The following CKAP5 variants were observed in gnomAD, a reference collection of about 807,000 sequenced individuals.
CKAP5 encodes cytoskeleton associated protein 5, also known as cytoskeleton-associated protein 5.
A neutral mutation model predicts 232.8 loss-of-function variants in CKAP5; 27 were observed. That is an observed-to-expected ratio of 0.12 (90% CI 0.09 to 0.16). The LOEUF is 0.16. Ranked by LOEUF, CKAP5 falls within the 10% of genes least tolerant of loss-of-function variation. CKAP5 has a pLI of 1.00. For missense variants in CKAP5, 1,838 were observed against 2,424.7 expected, an observed-to-expected ratio of 0.76 and a Z score of 5.08; for synonymous variants, 785 against 841.1, an observed-to-expected ratio of 0.93 and a Z score of 1.16.
At chr11:46,752,584 C>A (rs2065077919) in intron 38 of CKAP5, 51 bp downstream of exon 38, 2 of 1,428,354 alleles carry the variant, frequency 1.4e-6, no homozygotes, top group African/African-American at 1.4e-5. Flanking sequence ...ATACTTTTAA[C>A]AAAGTGATTG....
intron 1 of CKAP5, among the ~76,000 whole-genome samples, chr11:46,834,773 A>T (rs1163706901): frequency 6.6e-6 from 1 of 152,160 alleles, no homozygotes; most frequent in Non-Finnish European, 1.5e-5. Context: ...GCAGCCCTCT[A>T]AAGCATAAAA....
chr11:46,777,578 T>G, intron 22 of CKAP5, 26 bp from the exon 23 acceptor site: 4 of 1,470,990 alleles, frequency 2.7e-6, no homozygotes, highest in Non-Finnish European at 3.8e-6. Flanking sequence ...CAATACTTTA[T>G]GTTGAAACGA....
chr11:46,776,065 G>A (rs891929371), intron 24 of CKAP5, among the ~76,000 whole-genome samples, 190 bp downstream of exon 24: 1 of 152,106 alleles, frequency 6.6e-6, no homozygotes, highest in African/African-American at 2.4e-5. Flanking sequence ...AAGCGTTATT[G>A]ATAAAGAAGC....
chr11:46,800,453 T>C (rs2134655479), intron 9 of CKAP5, among the ~76,000 whole-genome samples: 1 of 152,336 alleles, frequency 6.6e-6, no homozygotes, highest in African/African-American at 2.4e-5. Context: ...GGGAATCAAA[T>C]GATGAAGGGG....
chr11:46,800,886 G>T (rs563823073), intron 9 of CKAP5, among the ~76,000 whole-genome samples: 1 of 152,078 alleles, frequency 6.6e-6, no homozygotes, highest in Non-Finnish European at 1.5e-5. Context: ...ATCTTGTTAT[G>T]ATGTGTATAA....
intron 1 of CKAP5, among the ~76,000 whole-genome samples, chr11:46,824,300 G>C (rs150123850): frequency 1.2e-3 from 179 of 152,340 alleles, no homozygotes; most frequent in African/African-American, 3.7e-3. Context: ...GTAATTTAAA[G>C]GAGTCAGGAG....
intron 1 of CKAP5, among the ~76,000 whole-genome samples, chr11:46,832,258 A>C (rs1415447053): frequency 6.6e-5 from 10 of 152,232 alleles, no homozygotes; most frequent in Non-Finnish European, 1.5e-5. Flanking sequence ...AAGTGAAAAA[A>C]ATCACTCAGT....
intron 8 of CKAP5, among the ~76,000 whole-genome samples, chr11:46,805,819 C>T (rs1369397108): frequency 1.3e-5 from 2 of 152,306 alleles, no homozygotes; most frequent in East Asian, 3.9e-4. Context: ...GCCTATAAAT[C>T]CCAGCTATTT....
rs1565750458 is a variant in CKAP5 at position 46,816,356 on chromosome 11, T to G, written c.300A>C (p.Gln100His). The G allele has an allele frequency of 1.9e-6, 3 of 1,614,114 alleles. No homozygotes were observed. In the African/African-American group the frequency reaches 4.0e-5, roughly 22 times the overall value. Residue 100 changes from glutamine (Q) to histidine (H), a missense_variant, in exon 4 of 44, where the codon CAA becomes CAC. Gln to His is a conservative substitution (Grantham distance 24, BLOSUM62 0). Transcript: ENST00000529230. ...CCAGCTCCTTGGCTTTAGCTTTAGG[T>G]TGATTGAACACCTTACTTACAACAC... ...VSGVVSKVFN[Q>H]PKAKAKELGI...
At chr11:46,803,033 G>A (rs1939070741) in intron 8 of CKAP5, among the ~76,000 whole-genome samples, 1 of 152,092 alleles carries the variant, frequency 6.6e-6, no homozygotes, top group Admixed American at 6.5e-5. Context: ...AGAGGTTGAG[G>A]TGGGAGGATC....
At chr11:46,753,594 AT>A (rs142881611) in intron 36 of CKAP5, 97 bp from the exon 37 acceptor site, 5,267 of 882,350 alleles carry the variant, frequency 6.0e-3, no homozygotes, top group South Asian at 8.3e-3. Context: ...ATTATGTTGT[AT>A]TTTTTTTTTG....
rs574361916 is a variant in CKAP5 at position 46,780,210 on chromosome 11, T to C, written c.2417A>G (p.Asp806Gly). The C allele has an allele frequency of 2.0e-5, 33 of 1,614,078 alleles. 1 individual carries two copies. In the South Asian group the frequency reaches 3.6e-4, roughly 18 times the overall value. ...DEKPALLSQI[D>G]AEFEKMQGQS... is the part of the protein sequence containing the mutation. ...AAATTCTACCTTCTCAAATTCTGCA[T>C]CTATCTGGGATAGGAGGGCAGGCTT... The change falls in exon 20 of 44, where the codon GAT (aspartate) becomes GGT (glycine). Residue 806 changes from aspartate to glycine, a missense_variant. By Grantham distance (94) the Asp-to-Gly change is moderately conservative (BLOSUM62 -1). This residue lies in a region of CKAP5 where 767 missense variants were observed against 954.6 expected (regional missense o/e 0.80). Coordinates refer to ENST00000529230, the MANE Select transcript of CKAP5 (RefSeq NM_001008938.4).
chr11:46,746,171 T>C (rs1303381416), intron 42 of CKAP5, among the ~76,000 whole-genome samples: 1 of 152,136 alleles, frequency 6.6e-6, no homozygotes, highest in Non-Finnish European at 1.5e-5. Flanking sequence ...TAGGTGAATG[T>C]CACTAAACTC....
chr11:46,811,272 A>G (rs1354505288), intron 4 of CKAP5, 94 bp from the exon 5 acceptor site: 4 of 978,922 alleles, frequency 4.1e-6, no homozygotes, highest in Non-Finnish European at 5.9e-6. Flanking sequence ...CCATATCTAC[A>G]TATTAGAAGA....
intron 27 of CKAP5, among the ~76,000 whole-genome samples, chr11:46,767,052 C>T (rs1398173857): frequency 6.7e-6 from 1 of 150,138 alleles, no homozygotes; most frequent in Admixed American, 6.6e-5. Context: ...TCCTGAGTCT[C>T]GCTCTGTCAT....
At chr11:46,776,901 T>TA (rs2065296016) in intron 23 of CKAP5, among the ~76,000 whole-genome samples, 1 of 152,170 alleles carries the variant, frequency 6.6e-6, no homozygotes, top group African/African-American at 2.4e-5. Context: ...TTCAAATATT[T>TA]AGTCTACGGC....
chr11:46,785,554 T>A (rs2065383186), intron 16 of CKAP5, among the ~76,000 whole-genome samples: 1 of 152,186 alleles, frequency 6.6e-6, no homozygotes. Flanking sequence ...GGTCTCGATC[T>A]CCTGACCTCA....
chr11:46,795,105 G>C (rs1938838107), intron 13 of CKAP5, among the ~76,000 whole-genome samples: 1 of 152,114 alleles, frequency 6.6e-6, no homozygotes, highest in Non-Finnish European at 1.5e-5. Flanking sequence ...AAGGCGGGTG[G>C]ATCACCTGAG....
intron 8 of CKAP5, 39 bp from the exon 9 acceptor site, chr11:46,801,343 G>A: frequency 6.9e-7 from 1 of 1,458,348 alleles, no homozygotes; most frequent in Non-Finnish European, 9.6e-7. Context: ...AATAGTCACA[G>A]CCATGTAGAA....
Sources: allele counts gnomAD v4.1 joint callset (sites outside exome capture counted in the v4.1 genomes callset), GRCh38; gene constraint gnomAD v4.1.1; regional missense constraint gnomAD v4.1.1; transcripts MANE v1.5; gene names NCBI Gene and HGNC (gene_info 2026-07-23, HGNC 2026-07-21).